Variants in PLCG1 observed in about 807,000 individuals in gnomAD.
The protein encoded by PLCG1 is 1-phosphatidylinositol 4,5-bisphosphate phosphodiesterase gamma-1.
PLCG1 carries 71 observed loss-of-function variants against 177.8 expected under a neutral mutation model. The observed-to-expected ratio is 0.40, with a 90% confidence interval of 0.33 to 0.49. PLCG1 has a LOEUF of 0.49. PLCG1 is among the 20% of genes least tolerant of loss of function. The pLI is 0.72. For synonymous variants in PLCG1, 658 were observed against 647.9 expected, an observed-to-expected ratio of 1.02 and a Z score of -0.24; for missense variants, 1,281 against 1,709.0, an observed-to-expected ratio of 0.75 and a Z score of 4.42.
rs1415897692 is a variant in PLCG1, at chr20:41,167,171, T to G, written c.2301+312T>G. On this transcript the variant is annotated intron_variant, in intron 19 of 31. Coordinates refer to ENST00000685551, the MANE Select transcript of PLCG1 (RefSeq NM_002660.3). The surrounding 1 kb of genome is among the most constrained non-coding windows in gnomAD (Gnocchi z 4.4). The stretch of plus-strand genomic sequence containing the variant: ...ACAGTGGAAACTCATCCACCTGGGC[T>G]TGGCCTGGACTCTGTCCTAGGGCAG... 6.6e-6 allele frequency among the ~76,000 whole-genome samples: 1 copy of G among 152,170 alleles called. No homozygotes were observed.
At chr20:41,149,058 C>A (rs2035084367) in intron 1 of PLCG1, among the ~76,000 whole-genome samples, 1 of 152,150 alleles carries the variant, frequency 6.6e-6, no homozygotes, top group Admixed American at 6.5e-5. Context: ...TTATCAAGAG[C>A]TTTATGCAAT....
chr20:41,141,539 G>C (rs2034826957), intron 1 of PLCG1, among the ~76,000 whole-genome samples: 1 of 152,262 alleles, frequency 6.6e-6, no homozygotes, highest in African/African-American at 2.4e-5. Context: ...CAGCACGGGA[G>C]AGGGCAAGGC....
chr20:41,138,562 G>A (rs1033634220), intron 1 of PLCG1, among the ~76,000 whole-genome samples: 1 of 151,744 alleles, frequency 6.6e-6, no homozygotes, highest in African/African-American at 2.4e-5. Context: ...CAATGCCAGG[G>A]CAGGGACTCC....
chr20:41,165,707 C>A lies in PLCG1; in HGVS notation c.1680C>A (p.Asp560Glu), dbSNP rs754632617. The A allele has an allele frequency of 6.2e-7, 1 of 1,613,728 alleles. No homozygotes were observed. Among genetic ancestry groups the A allele is most frequent in the East Asian group, 2.2e-5 (1 of 44,898 alleles). The part of the protein sequence containing the change: ...WFHGKLGAGR[D>E]GRHIAERLLT... ...ATGGGAAGCTAGGGGCAGGGCGTGA[C>A]GGGCGTCACATCGCTGAGCGCCTGC... The change falls in exon 16 of 32, where the codon GAC becomes GAA. Residue 560 changes from aspartate to glutamate, a missense_variant. This residue lies in a region of PLCG1 where 723 missense variants were observed against 1,030.0 expected (regional missense o/e 0.70). Transcript: ENST00000685551. The surrounding 1 kb of genome is among the most constrained non-coding windows in gnomAD (Gnocchi z 6.6).
At position 41,173,461 on chromosome 20, in the gene PLCG1, T is replaced by C. The variant is rs1229757075; in HGVS notation, c.3321T>C (p.Ile1107=). The change falls in exon 28 of 32, where the codon ATT becomes ATC. Residue 1107 remains isoleucine (I), a synonymous_variant. Coordinates refer to ENST00000685551, the MANE Select transcript of PLCG1 (RefSeq NM_002660.3). The surrounding 1 kb of genome is among the most constrained non-coding windows in gnomAD (Gnocchi z 6.2). ...ARHLPKNGRG[I]VCPFVEIEVA... ...ATCTGCCAAAGAATGGCCGAGGCAT[T>C]GTGTGTCCTTTTGTGGAGATTGAGG... 6.2e-7 allele frequency: 1 copy of C among 1,613,058 alleles called. No individual in the cohort carries two copies. The highest frequency in any genetic ancestry group is 8.5e-7 in the Non-Finnish European group (1 of 1,179,350).
Position 41,166,142 on chromosome 20 carries a change from T to C in PLCG1, c.1800-52T>C, listed in dbSNP as rs1331220315. On this transcript the variant is annotated intron_variant, in intron 16 of 31. Coordinates refer to ENST00000685551, the MANE Select transcript of PLCG1 (RefSeq NM_002660.3). This position sits in a 1 kb window ranked among gnomAD's most constrained non-coding sequence, Gnocchi z 8.6. ...CCTCATTTGGGGTGGAACTTGGTCT[T>C]TGGGGCCCTGGCCTGTTTTCCCCAG... 22 of 1,530,462 alleles carry C rather than the reference T, an allele frequency of 1.4e-5. No homozygotes were observed. The Admixed American group carries it at 3.7e-4, about 26-fold the overall frequency. 94.8% of individuals were successfully genotyped at this position (1,530,462 alleles called of 1,614,324 possible). A position where few individuals can be genotyped will look rare whatever the true frequency, so the allele number is the denominator to read the frequency against.
In PLCG1 at chr20:41,153,589, A is replaced by G. The variant is rs969528525; in HGVS notation, c.218-6017A>G. ...GAGCGTATGCACTTTATAAAGGGAA[A>G]ACCCTCTCTGAAGAGAAATATTTCA... is the stretch of plus-strand genomic sequence containing the variant. On this transcript the variant is annotated intron_variant, in intron 1 of 31. Coordinates refer to ENST00000685551, the MANE Select transcript of PLCG1 (RefSeq NM_002660.3). This position sits in a 1 kb window ranked among gnomAD's most constrained non-coding sequence, Gnocchi z 5.1. 6.6e-6 allele frequency among the ~76,000 whole-genome samples: 1 copy of G among 152,168 alleles called. No individual in the cohort carries two copies. Among genetic ancestry groups the G allele is most frequent in the Admixed American group, 6.5e-5 (1 of 15,268 alleles).
At position 41,153,337 on chromosome 20, in the gene PLCG1, G is replaced by C. The variant is rs908104495; in HGVS notation, c.218-6269G>C. The stretch of plus-strand genomic sequence containing the variant: ...GTTGGCCAGGCTGGAGTACAGTACT[G>C]TGATCATAGCTCATAGAGCTTCCTA... On this transcript the variant is annotated intron_variant, in intron 1 of 31. Coordinates refer to ENST00000685551, the MANE Select transcript of PLCG1 (RefSeq NM_002660.3). The surrounding 1 kb of genome is among the most constrained non-coding windows in gnomAD (Gnocchi z 5.1). Among the ~76,000 whole-genome samples the C allele has an allele frequency of 2.0e-5, 3 of 152,188 alleles. No individual in the cohort carries two copies. The South Asian group carries it at 6.2e-4, about 31-fold the overall frequency.
In PLCG1 at chr20:41,156,270, G is replaced by A. The variant is rs1041136908; in HGVS notation, c.218-3336G>A. 2.0e-5 allele frequency among the ~76,000 whole-genome samples: 3 copies of A among 152,142 alleles called. No individual in the cohort carries two copies. Among genetic ancestry groups the A allele is most frequent in the African/African-American group, 7.2e-5 (3 of 41,424 alleles). On this transcript the variant is annotated intron_variant, in intron 1 of 31. Transcript: ENST00000685551. The surrounding 1 kb of genome is among the most constrained non-coding windows in gnomAD (Gnocchi z 5.0). Reference sequence around the variant, plus strand: ...GTCACTGTCTACCATAGCCACATTTGGAATGGTAATGCCCAGGCCATTCCT... The same window carrying A: ...GTCACTGTCTACCATAGCCACATTTAGAATGGTAATGCCCAGGCCATTCCT...
intron 24 of PLCG1, 24 bp downstream of exon 24, chr20:41,170,293 G>C (rs369385291): frequency 4.3e-6 from 7 of 1,613,462 alleles, no homozygotes; most frequent in South Asian, 1.1e-5. Context: ...GGAACCTTCT[G>C]GGGGGCAGTG....
Position 41,148,398 on chromosome 20 carries a change from C to G in PLCG1, c.217+10540C>G, listed in dbSNP as rs2035061935. ...ATGAGTCCTAGGCCCCTGTTGTTTC[C>G]TTGTAGGAGGGAGACCCCAGATTTT... On this transcript the variant is annotated intron_variant, in intron 1 of 31. Coordinates refer to ENST00000685551, the MANE Select transcript of PLCG1 (RefSeq NM_002660.3). The surrounding 1 kb of genome is among the most constrained non-coding windows in gnomAD (Gnocchi z 4.3). Among the ~76,000 whole-genome samples, 1 of 152,078 alleles carries G rather than the reference C, an allele frequency of 6.6e-6. No individual in the cohort carries two copies. Among genetic ancestry groups the G allele is most frequent in the South Asian group, 2.1e-4 (1 of 4,828 alleles).
chr20:41,173,597 A>G lies in PLCG1; in HGVS notation c.3395-55A>G. 1 of 1,614,026 alleles carries G rather than the reference A, an allele frequency of 6.2e-7. No individual in the cohort carries two copies. The highest frequency in any genetic ancestry group is 8.5e-7 in the Non-Finnish European group (1 of 1,179,986). On this transcript the variant is annotated intron_variant, in intron 28 of 31. Transcript: ENST00000685551. The surrounding 1 kb of genome is among the most constrained non-coding windows in gnomAD (Gnocchi z 6.2). ...GGGGCACTGCAAGCCTCTCCCCACC[A>G]GTCATCCCATCCTCTCCCACGGTGA...
chr20:41,152,797 G>A (rs568825689), intron 1 of PLCG1, among the ~76,000 whole-genome samples: 1 of 152,388 alleles, frequency 6.6e-6, no homozygotes, highest in South Asian at 2.1e-4. Flanking sequence ...ACCAGCAGGT[G>A]TGACAAGTGG....
rs1316762305 is a variant in PLCG1, at chr20:41,177,343, A to AGAT, written c.*2836_*2838dup. On this transcript the variant is annotated 3_prime_UTR_variant, in exon 32 of 32. Transcript: ENST00000685551. ...CAGGACTAAAGACTGCCCTGCGGGA[A>AGAT]GATGGCAGGAGCAGTTTCTGACCTC... 1 of 152,274 alleles carries AGAT rather than the reference A, an allele frequency of 6.6e-6. No homozygotes were observed. The highest frequency in any genetic ancestry group is 2.4e-5 in the African/African-American group (1 of 41,476). 9.4% of individuals were successfully genotyped at this position (152,274 alleles called of 1,614,324 possible).
intron 1 of PLCG1, among the ~76,000 whole-genome samples, chr20:41,152,421 C>T (rs914783408): frequency 2.0e-5 from 3 of 152,224 alleles, no homozygotes; most frequent in Non-Finnish European, 2.9e-5. Context: ...GGGTCACATT[C>T]CCCCCAACTA....
chr20:41,159,494 TG>T lies in PLCG1; in HGVS notation c.218-108del. The T allele has an allele frequency of 1.8e-6, 2 of 1,094,180 alleles. No individual in the cohort carries two copies. The highest frequency in any genetic ancestry group is 2.6e-6 in the Non-Finnish European group (2 of 758,514). 67.8% of individuals were successfully genotyped at this position (1,094,180 alleles called of 1,614,324 possible). Reference sequence around the variant, plus strand: ...GACTGAGTGGTCTTGGCTCTGCCTCTGGGGTTCCTCCCTGAGAGAGAGTGTA... The same window carrying T: ...GACTGAGTGGTCTTGGCTCTGCCTCTGGGTTCCTCCCTGAGAGAGAGTGTA... On this transcript the variant is annotated intron_variant, in intron 1 of 31. Coordinates refer to ENST00000685551, the MANE Select transcript of PLCG1 (RefSeq NM_002660.3). The surrounding 1 kb of genome is among the most constrained non-coding windows in gnomAD (Gnocchi z 6.0).
Position 41,167,692 on chromosome 20 carries a change from T to C in PLCG1, c.2302-160T>C. 1 of 620,762 alleles carries C rather than the reference T, an allele frequency of 1.6e-6. No homozygotes were observed. Among genetic ancestry groups the C allele is most frequent in the Non-Finnish European group, 2.9e-6 (1 of 344,890 alleles). 38.5% of individuals were successfully genotyped at this position (620,762 alleles called of 1,614,324 possible). A position where few individuals can be genotyped will look rare whatever the true frequency, so the allele number is the denominator to read the frequency against. The stretch of plus-strand genomic sequence containing the variant: ...GGAAAGGGAACAGTGAGGCCGGGCC[T>C]GAGGCCTCTGAAGCCGTCTCTACTG... On this transcript the variant is annotated intron_variant, in intron 19 of 31. Transcript: ENST00000685551. The surrounding 1 kb of genome is among the most constrained non-coding windows in gnomAD (Gnocchi z 4.4).
At position 41,174,150 on chromosome 20, in the gene PLCG1, C is replaced by CA. The variant is rs1182005755; in HGVS notation, c.3673dup (p.Ser1225LysfsTer27). 6.2e-7 allele frequency: 1 copy of CA among 1,613,916 alleles called. No individual in the cohort carries two copies. The highest frequency in any genetic ancestry group is 8.5e-7 in the Non-Finnish European group (1 of 1,179,912). ...AGGAGAATGGTGACCTCAGTCCCTT[C>CA]AGTGGTACGTCCCTGCGGGAGCGGG... On this transcript the variant is annotated frameshift_variant, in exon 31 of 32. Transcript: ENST00000685551. LOFTEE classifies it high-confidence loss of function. The surrounding 1 kb of genome is among the most constrained non-coding windows in gnomAD (Gnocchi z 5.8).
rs2035678170 is a variant in PLCG1 at position 41,166,002 on chromosome 20, T to G, written c.1799+176T>G. On this transcript the variant is annotated intron_variant, in intron 16 of 31. Coordinates refer to ENST00000685551, the MANE Select transcript of PLCG1 (RefSeq NM_002660.3). The surrounding 1 kb of genome is among the most constrained non-coding windows in gnomAD (Gnocchi z 8.6). The stretch of plus-strand genomic sequence containing the variant: ...CACTCTCTGTCTCACCCCCCCCCCA[T>G]ACCCCTCCCTTTTCGGTTCATTTGA... 7.3e-5 allele frequency: 32 copies of G among 440,720 alleles called. No homozygotes were observed. Among genetic ancestry groups the G allele is most frequent in the Middle Eastern group, 6.2e-4 (1 of 1,606 alleles). The allele number at this position is 440,720 out of a possible 1,614,324, so 27.3% of individuals were successfully genotyped here.
Sources: allele counts gnomAD v4.1 joint callset (sites outside exome capture counted in the v4.1 genomes callset), GRCh38; gene constraint gnomAD v4.1.1; regional missense constraint gnomAD v4.1.1; non-coding constraint Gnocchi (gnomAD v3.1); transcripts MANE v1.5; gene names NCBI Gene and HGNC (gene_info 2026-07-23, HGNC 2026-07-21).